Variants in KMT2C observed in about 807,000 individuals in gnomAD.
The protein encoded by KMT2C is lysine methyltransferase 2C.
A neutral mutation model predicts 507.9 loss-of-function variants in KMT2C; 88 were observed. The observed-to-expected ratio is 0.17, with a 90% CI of 0.15 to 0.21. The LOEUF is 0.21. KMT2C is among the 10% of genes least tolerant of loss of function. The probability of loss-of-function intolerance (pLI) is 1.00; values close to 1 mark genes in which losing one functional copy is unlikely to be tolerated. For missense variants in KMT2C, 4,954 were observed against 5,957.8 expected (o/e 0.83, Z 5.55); for synonymous variants, 2,049 against 2,080.8 (o/e 0.98, Z 0.42).
Position 152,368,697 on chromosome 7 carries a change from A to G in KMT2C, c.162-10022T>C. On this transcript the variant is annotated intron_variant, in intron 1 of 58. Coordinates refer to ENST00000262189, the MANE Select transcript of KMT2C (RefSeq NM_170606.3). The stretch of plus-strand genomic sequence containing the variant: ...GACCACCAGTTACGTATTAGTTGCC[A>G]ATATGCCAGCTTGGACATCAGTGTT... The G allele has an allele frequency of 3.0e-6, 4 of 1,345,134 alleles. No homozygotes were observed. In the South Asian group the frequency reaches 5.0e-5, roughly 17 times the overall value. 83.3% of individuals were successfully genotyped at this position (1,345,134 alleles called of 1,614,324 possible). A position where few individuals can be genotyped will look rare whatever the true frequency, so the allele number is the denominator to read the frequency against.
chr7:152,244,076 C>T (rs1217528334), intron 14 of KMT2C, among the ~76,000 whole-genome samples: 2 of 152,146 alleles, frequency 1.3e-5, no homozygotes, highest in African/African-American at 4.8e-5. Context: ...GAAATAAAAA[C>T]AAATGTTATG....
chr7:152,277,054 C>T (rs1345744298), intron 6 of KMT2C, among the ~76,000 whole-genome samples: 1 of 151,796 alleles, frequency 6.6e-6, no homozygotes, highest in African/African-American at 2.4e-5. Context: ...CAAAATGTAT[C>T]CATAAAACAA....
At chr7:152,321,144 G>C (rs2096769587) in intron 3 of KMT2C, among the ~76,000 whole-genome samples, 2 of 151,946 alleles carry the variant, frequency 1.3e-5, no homozygotes, top group South Asian at 2.1e-4. Context: ...TGAGGCAGGA[G>C]AATCGCTTGA....
chr7:152,386,037 A>G (rs1257037451), intron 1 of KMT2C, among the ~76,000 whole-genome samples: 1 of 151,792 alleles, frequency 6.6e-6, no homozygotes, highest in East Asian at 1.9e-4. Flanking sequence ...CAGTGAGCTG[A>G]GATCATACCA....
chr7:152,206,304 T>C (rs1460936867), intron 24 of KMT2C, among the ~76,000 whole-genome samples: 1 of 148,962 alleles, frequency 6.7e-6, no homozygotes, highest in Non-Finnish European at 1.5e-5. Flanking sequence ...AAAAAAACGG[T>C]AAATACAAGT....
chr7:152,233,060 C>G (rs1188629630), intron 16 of KMT2C, among the ~76,000 whole-genome samples: 1 of 152,092 alleles, frequency 6.6e-6, no homozygotes, highest in East Asian at 1.9e-4. Flanking sequence ...GAAACAAAGT[C>G]TGCAGTAGAA....
At chr7:152,219,605 G>A (rs1338065497) in intron 23 of KMT2C, among the ~76,000 whole-genome samples, 1 of 151,370 alleles carries the variant, frequency 6.6e-6, no homozygotes, top group East Asian at 1.9e-4. Context: ...AAAAAACTAT[G>A]AAATAAAATA....
chr7:152,369,079 T>G (rs1042107409), intron 1 of KMT2C, among the ~76,000 whole-genome samples: 5 of 151,904 alleles, frequency 3.3e-5, no homozygotes, highest in African/African-American at 9.7e-5. Context: ...TCCCAGCACT[T>G]TGGAAGGCCA....
At chr7:152,306,726 T>C (rs949718833) in intron 6 of KMT2C, among the ~76,000 whole-genome samples, 6 of 152,222 alleles carry the variant, frequency 3.9e-5, no homozygotes, top group Non-Finnish European at 8.8e-5. Context: ...CAGCAAAGAA[T>C]GAGAGTACCT....
chr7:152,434,316 T>C (rs565118230), intron 1 of KMT2C, among the ~76,000 whole-genome samples: 2 of 152,242 alleles, frequency 1.3e-5, no homozygotes, highest in South Asian at 4.1e-4. Flanking sequence ...GGCAATAAAA[T>C]ATGGAGGCAA....
chr7:152,146,831 A>C (rs776055173), intron 52 of KMT2C, 96 bp from the exon 53 acceptor site: 104 of 1,065,428 alleles, frequency 9.8e-5, no homozygotes, highest in Non-Finnish European at 1.3e-4. Context: ...GGATTTACTA[A>C]TTTCCAAATA....
chr7:152,276,781 AATGGTGT>A (rs1250814097), intron 6 of KMT2C, among the ~76,000 whole-genome samples: 2 of 152,118 alleles, frequency 1.3e-5, no homozygotes, highest in Non-Finnish European at 2.9e-5. Context: ...AAGGCCCTTA[AATGGTGT>A]ATCAACTAAA....
chr7:152,222,070 A>T lies in KMT2C; in HGVS notation c.3434-4T>A. The T allele has an allele frequency of 6.3e-7, 1 of 1,586,148 alleles. No individual in the cohort carries two copies. The highest frequency in any genetic ancestry group is 8.6e-7 in the Non-Finnish European group (1 of 1,169,166). ...TCACAGCAGTCTGAGGAAGGCACTGAAACGAAAAAAAAAAATCCAGGTAAT... is the reference window on the plus strand; with the variant it reads ...TCACAGCAGTCTGAGGAAGGCACTGTAACGAAAAAAAAAAATCCAGGTAAT... On this transcript the variant is annotated splice_region_variant and splice_polypyrimidine_tract_variant and intron_variant, in intron 21 of 58. Transcript: ENST00000262189.
In KMT2C at chr7:152,340,201, T is replaced by C. The variant is rs2096978385; in HGVS notation, c.251-9462A>G. 2.0e-5 allele frequency among the ~76,000 whole-genome samples: 3 copies of C among 150,404 alleles called. No homozygotes were observed. In the South Asian group the frequency reaches 6.4e-4, roughly 32 times the overall value. ...CAGGGATTAACTATGTTGCCCAGGC[T>C]GGTCTCGAACTCCTGGGCTCCAGTT... On this transcript the variant is annotated intron_variant, in intron 2 of 58. Transcript: ENST00000262189.
At chr7:152,277,040 C>G (rs998873168) in intron 6 of KMT2C, among the ~76,000 whole-genome samples, 1 of 151,958 alleles carries the variant, frequency 6.6e-6, no homozygotes, top group Non-Finnish European at 1.5e-5. Flanking sequence ...TTGAAATAAT[C>G]TGTCAAAATG....
chr7:152,159,645 G>T (rs2092325888), intron 43 of KMT2C, among the ~76,000 whole-genome samples: 1 of 152,106 alleles, frequency 6.6e-6, no homozygotes, highest in South Asian at 2.1e-4. Context: ...AAAAATAATG[G>T]CCACATACTT....
rs1289614586 is a variant in KMT2C at position 152,179,817 on chromosome 7, G to A, written c.7442+17C>T. On this transcript the variant is annotated intron_variant, in intron 37 of 58. Coordinates refer to ENST00000262189, the MANE Select transcript of KMT2C (RefSeq NM_170606.3). Reference sequence around the variant, plus strand: ...TCTAATAGCAATTTAAATTCGGCAGGAAATTAAAAGCATTACCTAAATCCA... The same window carrying A: ...TCTAATAGCAATTTAAATTCGGCAGAAAATTAAAAGCATTACCTAAATCCA... 3.1e-6 allele frequency: 5 copies of A among 1,609,232 alleles called. No individual in the cohort carries two copies. In the African/African-American group the frequency reaches 5.4e-5, roughly 17 times the overall value.
At chr7:152,141,730 AAAT>A (rs1164343928) in intron 55 of KMT2C, among the ~76,000 whole-genome samples, 1 of 150,768 alleles carries the variant, frequency 6.6e-6, no homozygotes, top group African/African-American at 2.5e-5. Context: ...AAAAAAAAAA[AAAT>A]TCATGCCAGC....
chr7:152,343,363 C>G (rs2097017740), intron 2 of KMT2C, among the ~76,000 whole-genome samples: 1 of 150,532 alleles, frequency 6.6e-6, no homozygotes, highest in Non-Finnish European at 1.5e-5. Flanking sequence ...TATTAGTAGA[C>G]CTCACACAGC....
Sources: allele counts gnomAD v4.1 joint callset (sites outside exome capture counted in the v4.1 genomes callset), GRCh38; gene constraint gnomAD v4.1.1; transcripts MANE v1.5; gene names NCBI Gene and HGNC (gene_info 2026-07-23, HGNC 2026-07-21).